Variants in ALMS1 observed in about 807,000 individuals in gnomAD.
ALMS1 encodes the protein ALMS1 centrosome and basal body associated protein.
ALMS1 carries 271 observed loss-of-function variants against 352.2 expected under a neutral mutation model. The observed-to-expected ratio is 0.77, with a 90% CI of 0.70 to 0.85. The LOEUF (loss-of-function observed/expected upper bound fraction) is 0.85. Ranked by LOEUF, ALMS1 falls within the 40% of genes least tolerant of loss-of-function variation. The pLI is 0.00. For missense variants in ALMS1, 5,445 were observed against 4,870.7 expected, an observed-to-expected ratio of 1.12 and a Z score of -3.51; for synonymous variants, 1,865 against 1,761.2, an observed-to-expected ratio of 1.06 and a Z score of -1.48.
chr2:73,537,547 T>C (rs1674056654), intron 12 of ALMS1, among the ~76,000 whole-genome samples: 5 of 152,216 alleles, frequency 3.3e-5, no homozygotes, highest in Admixed American at 3.3e-4. Context: ...GTTCAGGCAT[T>C]AGCTGACCAT....
At chr2:73,407,335 G>T (rs1444326633) in intron 1 of ALMS1, among the ~76,000 whole-genome samples, 2 of 152,162 alleles carry the variant, frequency 1.3e-5, no homozygotes, top group East Asian at 3.9e-4. Flanking sequence ...TGATGACCCA[G>T]TCACCTCTGA....
intron 9 of ALMS1, among the ~76,000 whole-genome samples, chr2:73,466,571 A>G (rs1015632855): frequency 3.3e-5 from 5 of 151,968 alleles, no homozygotes; most frequent in Admixed American, 2.6e-4. Context: ...CAGCACACCA[A>G]CATGGCACTT....
In ALMS1 at chr2:73,600,692, G is replaced by A. The variant is rs766559483; in HGVS notation, c.11683G>A (p.Val3895Met). The A allele has an allele frequency of 6.2e-7, 1 of 1,613,670 alleles. No individual in the cohort carries two copies. Among genetic ancestry groups the A allele is most frequent in the South Asian group, 1.1e-5 (1 of 91,010 alleles). Residue 3895 changes from valine (V) to methionine (M), a missense_variant, in exon 18 of 23, where the codon GTG (valine) becomes ATG (methionine). By Grantham distance (21) the Val-to-Met change is conservative (BLOSUM62 1). Transcript: ENST00000613296. ...KGIQAGNLEI[V>M]NGAKKHTRDV... ...CTTCCCCTCAGGTAACTTGGAGATTGTGAACGGTGCCAAAAAACACACTCG... is the reference window on the plus strand; with the variant it reads ...CTTCCCCTCAGGTAACTTGGAGATTATGAACGGTGCCAAAAAACACACTCG...
chr2:73,535,263 A>C (rs1233243025), intron 12 of ALMS1, among the ~76,000 whole-genome samples: 1 of 152,148 alleles, frequency 6.6e-6, no homozygotes, highest in African/African-American at 2.4e-5. Context: ...TCTCCGCTTT[A>C]TATATAATAA....
intron 15 of ALMS1, among the ~76,000 whole-genome samples, chr2:73,564,220 C>T (rs995152197): frequency 6.6e-6 from 1 of 151,910 alleles, no homozygotes; most frequent in Non-Finnish European, 1.5e-5. Context: ...AATCCCAGCA[C>T]TTTGGGAAGC....
At chr2:73,455,059 C>T in intron 8 of ALMS1, 103 bp from the exon 9 acceptor site, 1 of 1,254,110 alleles carries the variant, frequency 8.0e-7, no homozygotes. Context: ...CTAAGCATTG[C>T]AGTGGGTATT....
chr2:73,435,623 C>T (rs1277076301), intron 7 of ALMS1, among the ~76,000 whole-genome samples: 12 of 148,008 alleles, frequency 8.1e-5, no homozygotes, highest in Admixed American at 1.4e-4. Flanking sequence ...TTTTTTTAGT[C>T]GGGGACTTGC....
At chr2:73,547,394 T>G (rs552428819) in intron 12 of ALMS1, among the ~76,000 whole-genome samples, 1 of 152,378 alleles carries the variant, frequency 6.6e-6, no homozygotes, top group South Asian at 2.1e-4. Flanking sequence ...TCAGGGTGAC[T>G]GGCCCCTTTT....
At chr2:73,493,194 A>G (rs1220071960) in intron 10 of ALMS1, among the ~76,000 whole-genome samples, 1 of 152,028 alleles carries the variant, frequency 6.6e-6, no homozygotes, top group African/African-American at 2.4e-5. Flanking sequence ...TTAGTGTAAT[A>G]ATCAGAAATA....
chr2:73,566,116 G>T (rs912706489), intron 15 of ALMS1, among the ~76,000 whole-genome samples: 4 of 152,120 alleles, frequency 2.6e-5, no homozygotes, highest in Non-Finnish European at 5.9e-5. Flanking sequence ...CTGTACTGTT[G>T]TCACCGTTTT....
chr2:73,557,408 A>G, intron 14 of ALMS1, 54 bp downstream of exon 14: 1 of 1,609,354 alleles, frequency 6.2e-7, no homozygotes, highest in Non-Finnish European at 8.5e-7. Context: ...CTAAAATGAG[A>G]CTATTCCCTT....
chr2:73,443,797 G>C (rs954528493), intron 7 of ALMS1, among the ~76,000 whole-genome samples: 1 of 152,056 alleles, frequency 6.6e-6, no homozygotes, highest in East Asian at 1.9e-4. Flanking sequence ...ATTTTGGCAG[G>C]GATCAGTTCT....
At chr2:73,514,263 TTTAGA>T (rs1488898326) in intron 10 of ALMS1, among the ~76,000 whole-genome samples, 1 of 152,124 alleles carries the variant, frequency 6.6e-6, no homozygotes, top group Admixed American at 6.5e-5. Flanking sequence ...CCTCTATTAT[TTTAGA>T]TTAATTAATT....
Position 73,572,243 on chromosome 2 carries a change from CT to C in ALMS1, c.10385-12del. On this transcript the variant is annotated intron_variant, in intron 15 of 22. Coordinates refer to ENST00000613296, the MANE Select transcript of ALMS1 (RefSeq NM_001378454.1). ...CTAATTTTTTAAGTTCTTTCAAAAT[CT>C]TTTTTTCTCCTTTTCAGAGTCCGAA... 2 of 1,597,614 alleles carry C rather than the reference CT, an allele frequency of 1.3e-6. No homozygotes were observed. Among genetic ancestry groups the C allele is most frequent in the African/African-American group, 1.3e-5 (1 of 74,074 alleles).
At chr2:73,396,211 A>C (rs1670756696) in intron 1 of ALMS1, among the ~76,000 whole-genome samples, 1 of 152,082 alleles carries the variant, frequency 6.6e-6, no homozygotes, top group Non-Finnish European at 1.5e-5. Flanking sequence ...GATGTATTAC[A>C]TTAATTGATA....
intron 9 of ALMS1, among the ~76,000 whole-genome samples, chr2:73,466,549 A>G (rs905390235): frequency 1.3e-5 from 2 of 151,778 alleles, no homozygotes; most frequent in Non-Finnish European, 2.9e-5. Context: ...TTAAATGACG[A>G]GTTAATGGGT....
Position 73,533,317 on chromosome 2 carries a change from T to A in ALMS1, c.9782-1507T>A, listed in dbSNP as rs535686817. Among the ~76,000 whole-genome samples the A allele has an allele frequency of 3.3e-5, 5 of 152,326 alleles. No homozygotes were observed. The South Asian group carries it at 8.3e-4, about 25-fold the overall frequency. ...CCTGGGAATTGTGTTTCTTATTGCT[T>A]TAGGCTATGGTATATGCTATTTTAT... On this transcript the variant is annotated intron_variant, in intron 11 of 22. Coordinates refer to ENST00000613296, the MANE Select transcript of ALMS1 (RefSeq NM_001378454.1).
At chr2:73,561,545 A>C (rs185875832) in intron 15 of ALMS1, among the ~76,000 whole-genome samples, 8 of 152,254 alleles carry the variant, frequency 5.3e-5, no homozygotes, top group Admixed American at 5.2e-4. Context: ...ATAGAAACAG[A>C]AAGTAGAATA....
At chr2:73,430,893 A>G (rs767606804) in intron 6 of ALMS1, among the ~76,000 whole-genome samples, 7 of 151,856 alleles carry the variant, frequency 4.6e-5, no homozygotes, top group Admixed American at 6.6e-5. Context: ...ATATATATGC[A>G]TATATATTTA....
Sources: gnomAD v4.1 joint callset for allele counts (sites outside exome capture counted in the v4.1 genomes callset) on GRCh38, gnomAD v4.1.1 for gene constraint, MANE v1.5 for transcripts, NCBI Gene and HGNC (gene_info 2026-07-23, HGNC 2026-07-21) for gene names.